The following CTDP1 variants were observed in gnomAD, a reference collection of about 807,000 sequenced individuals.
CTDP1 encodes RNA polymerase II subunit A C-terminal domain phosphatase.
In CTDP1, 47 loss-of-function variants were observed where a neutral mutation model predicts 91.8. The observed-to-expected ratio is 0.51, with a 90% CI of 0.41 to 0.65. The LOEUF (loss-of-function observed/expected upper bound fraction) is 0.65, where lower values mean the gene tolerates loss of function less well. Ranked by LOEUF, CTDP1 falls within the 30% of genes least tolerant of loss-of-function variation. The pLI, the probability that CTDP1 is intolerant of heterozygous loss-of-function variation, is 0.00. For missense variants in CTDP1, 1,272 were observed against 1,373.7 expected, an observed-to-expected ratio of 0.93 and a Z score of 1.17; for synonymous variants, 656 against 598.5, an observed-to-expected ratio of 1.10 and a Z score of -1.40.
intron 1 of CTDP1, among the ~76,000 whole-genome samples, chr18:79,694,099 T>A (rs959592180): frequency 4.0e-5 from 6 of 150,828 alleles, no homozygotes; most frequent in African/African-American, 1.5e-4. Flanking sequence ...GCAGCTTGGG[T>A]GGCTGTCTCA....
intron 1 of CTDP1, 68 bp from the exon 2 acceptor site, chr18:79,695,157 C>T: frequency 6.9e-7 from 1 of 1,459,562 alleles, no homozygotes; most frequent in Non-Finnish European, 9.6e-7. Context: ...TTTTAAAATT[C>T]TTACTTGGGG....
rs1484545155 is a variant in CTDP1, at chr18:79,701,459, A to G, written c.622-3308A>G. 2.0e-5 allele frequency among the ~76,000 whole-genome samples: 3 copies of G among 151,992 alleles called. No individual in the cohort carries two copies. The South Asian group carries it at 6.2e-4, about 32-fold the overall frequency. On this transcript the variant is annotated intron_variant, in intron 4 of 12. Transcript: ENST00000613122. ...CGGGAGGCGGAGCTTGCAGTGAGCC[A>G]CGATCGCACCACTGCACTCCAGCCT...
At chr18:79,733,738 C>G (rs902913223) in intron 11 of CTDP1, among the ~76,000 whole-genome samples, 1 of 152,178 alleles carries the variant, frequency 6.6e-6, no homozygotes, top group Non-Finnish European at 1.5e-5. Context: ...CGTCCTCTCT[C>G]TTGAAGCCGT....
At position 79,750,645 on chromosome 18, in the gene CTDP1, C is replaced by T. The variant is rs192154832; in HGVS notation, c.2748-3007C>T. 2.8e-4 allele frequency among the ~76,000 whole-genome samples: 42 copies of T among 150,972 alleles called. No homozygotes were observed. In the East Asian group the frequency reaches 7.8e-3, roughly 28 times the overall value. On this transcript the variant is annotated intron_variant, in intron 12 of 12. Coordinates refer to ENST00000613122, the MANE Select transcript of CTDP1 (RefSeq NM_004715.5). ...AGTAGCTGGGACTACAGGTGCCCAC[C>T]ACCACACCTGGCTAATTTTTTGCTT...
chr18:79,743,399 G>C (rs1409119153), intron 12 of CTDP1, among the ~76,000 whole-genome samples: 1 of 151,874 alleles, frequency 6.6e-6, no homozygotes, highest in Non-Finnish European at 1.5e-5. Context: ...GGCAGCATGC[G>C]CCTGTAGTCC....
At chr18:79,710,899 G>A (rs1048386471) in intron 6 of CTDP1, among the ~76,000 whole-genome samples, 12 of 151,926 alleles carry the variant, frequency 7.9e-5, no homozygotes, top group African/African-American at 2.9e-4. Flanking sequence ...CCCCTTTCCA[G>A]TTTTCATTGT....
chr18:79,679,321 A>G (rs2085301952), upstream of CTDP1: 1 of 431,200 alleles, frequency 2.3e-6, no homozygotes, highest in Admixed American at 2.4e-5. Flanking sequence ...CAGGACGCCG[A>G]CAGCCTCACG....
chr18:79,747,587 A>T (rs2086906325), intron 12 of CTDP1, among the ~76,000 whole-genome samples: 1 of 152,106 alleles, frequency 6.6e-6, no homozygotes. Flanking sequence ...GGAGCCCCCC[A>T]CGCTTGTGTG....
In CTDP1 at chr18:79,738,863, T is replaced by C. The variant is rs953038883; in HGVS notation, c.2747+2342T>C. Among the ~76,000 whole-genome samples the C allele has an allele frequency of 8.5e-5, 13 of 152,356 alleles. No individual in the cohort carries two copies. In the East Asian group the frequency reaches 1.2e-3, roughly 14 times the overall value. On this transcript the variant is annotated intron_variant, in intron 12 of 12. Transcript: ENST00000613122. ...ATTTTCCAGCTGTGTTGAAATGATATGAAGTTGTTTTAGGAGAGATTTTGA... is the reference window on the plus strand; with the variant it reads ...ATTTTCCAGCTGTGTTGAAATGATACGAAGTTGTTTTAGGAGAGATTTTGA...
chr18:79,700,926 T>C (rs2085844503), intron 4 of CTDP1, among the ~76,000 whole-genome samples: 1 of 152,216 alleles, frequency 6.6e-6, no homozygotes, highest in South Asian at 2.1e-4. Context: ...AGAATGATGC[T>C]AAATCTCCTC....
intron 12 of CTDP1, among the ~76,000 whole-genome samples, chr18:79,745,260 C>G (rs1168533570): frequency 7.4e-6 from 1 of 135,264 alleles, no homozygotes; most frequent in Non-Finnish European, 1.6e-5. Flanking sequence ...GCGTTCTGTC[C>G]CTGCGTCCCT....
intron 12 of CTDP1, among the ~76,000 whole-genome samples, chr18:79,738,714 A>G (rs1008125548): frequency 1.3e-5 from 2 of 152,222 alleles, no homozygotes; most frequent in Non-Finnish European, 2.9e-5. Flanking sequence ...CAAGATAGTC[A>G]TTGTTCCGTT....
At chr18:79,707,444 G>A (rs564216730) in intron 5 of CTDP1, among the ~76,000 whole-genome samples, 11 of 152,358 alleles carry the variant, frequency 7.2e-5, no homozygotes, top group Non-Finnish European at 1.0e-4. Flanking sequence ...GCTTGGCTGC[G>A]GAGAGCCTCG....
intron 12 of CTDP1, among the ~76,000 whole-genome samples, chr18:79,743,391 C>G (rs1378731665): frequency 6.6e-6 from 1 of 151,906 alleles, no homozygotes; most frequent in Non-Finnish European, 1.5e-5. Flanking sequence ...CTGGACATGG[C>G]AGCATGCGCC....
chr18:79,729,137 G>A (rs554861525), intron 11 of CTDP1, 68 bp downstream of exon 11: 62 of 1,600,490 alleles, frequency 3.9e-5, no homozygotes, highest in Middle Eastern at 2.3e-4. Context: ...TCTGGTGTGC[G>A]GGCGGATTGC....
Position 79,717,686 on chromosome 18 carries a change from C to G in CTDP1, c.2210+10C>G. On this transcript the variant is annotated intron_variant, in intron 9 of 12. Transcript: ENST00000613122. Reference sequence around the variant, plus strand: ...ACACCAAGGCACAGAGGTGGGTCCTCGCTGCACCCAGCAGGTCCGTGCCAG... The same window carrying G: ...ACACCAAGGCACAGAGGTGGGTCCTGGCTGCACCCAGCAGGTCCGTGCCAG... The G allele has an allele frequency of 1.9e-6, 3 of 1,614,002 alleles. No individual in the cohort carries two copies. The highest frequency in any genetic ancestry group is 2.5e-6 in the Non-Finnish European group (3 of 1,179,972).
At chr18:79,752,056 C>G (rs896647935) in intron 12 of CTDP1, among the ~76,000 whole-genome samples, 1 of 152,146 alleles carries the variant, frequency 6.6e-6, no homozygotes, top group East Asian at 1.9e-4. Context: ...AGCACGGCAC[C>G]AGGAGGGAGG....
chr18:79,749,517 G>C (rs2122889974), intron 12 of CTDP1, among the ~76,000 whole-genome samples: 1 of 152,016 alleles, frequency 6.6e-6, no homozygotes, highest in East Asian at 1.9e-4. Context: ...GTGCACACGA[G>C]ATCCAGGCCC....
intron 1 of CTDP1, among the ~76,000 whole-genome samples, chr18:79,686,543 C>T (rs1006536922): frequency 1.3e-5 from 2 of 152,218 alleles, no homozygotes; most frequent in African/African-American, 4.8e-5. Flanking sequence ...CATCTAGCAT[C>T]ATATGTGCAA....
Sources: allele counts gnomAD v4.1 joint callset (sites outside exome capture counted in the v4.1 genomes callset), GRCh38; gene constraint gnomAD v4.1.1; transcripts MANE v1.5; gene names NCBI Gene and HGNC (gene_info 2026-07-23, HGNC 2026-07-21).